The following ERCC6L2 variants were observed in gnomAD, a reference collection of about 807,000 sequenced individuals.
ERCC6L2 encodes the protein ERCC excision repair 6 like 2.
A neutral mutation model predicts 132.0 loss-of-function variants in ERCC6L2; 77 were observed. The observed-to-expected ratio is 0.58, with a 90% CI of 0.49 to 0.71. ERCC6L2 has a LOEUF of 0.71. ERCC6L2 is among the 30% of genes least tolerant of loss of function. ERCC6L2 has a pLI of 0.00. For missense variants in ERCC6L2, 1,542 were observed against 1,837.6 expected (o/e 0.84, Z 2.94); for synonymous variants, 583 against 632.4 (o/e 0.92, Z 1.17).
At chr9:95,981,982 C>T (rs1832912187) in intron 17 of ERCC6L2, among the ~76,000 whole-genome samples, 1 of 152,136 alleles carries the variant, frequency 6.6e-6, no homozygotes. Flanking sequence ...TAGACTGTGA[C>T]CAACTCTAAG....
intron 11 of ERCC6L2, among the ~76,000 whole-genome samples, chr9:95,937,774 T>C (rs1830621236): frequency 6.6e-6 from 1 of 152,020 alleles, no homozygotes; most frequent in South Asian, 2.1e-4. Flanking sequence ...TTTTTTTCAC[T>C]GATTTTTCTC....
intron 9 of ERCC6L2, among the ~76,000 whole-genome samples, chr9:95,924,200 GT>G (rs929788787): frequency 5.7e-5 from 8 of 140,878 alleles, no homozygotes; most frequent in South Asian, 2.2e-4. Context: ...AGCAGTTTTT[GT>G]TTTTTTTTTA....
intron 12 of ERCC6L2, among the ~76,000 whole-genome samples, chr9:95,952,167 A>T (rs1831364859): frequency 1.7e-5 from 1 of 60,406 alleles, no homozygotes; most frequent in Non-Finnish European, 3.1e-5. Context: ...ACTCCATCTT[A>T]AAAAAAAAAA....
intron 17 of ERCC6L2, among the ~76,000 whole-genome samples, chr9:95,999,992 G>A (rs1451409127): frequency 6.6e-6 from 1 of 151,404 alleles, no homozygotes; most frequent in African/African-American, 2.4e-5. Flanking sequence ...TGGTTCAAGT[G>A]ATTCTCTTGT....
Position 95,907,107 on chromosome 9 carries a change from C to A in ERCC6L2, c.624C>A (p.Val208=), listed in dbSNP as rs755640659. Residue 208 remains valine (V), a synonymous_variant, in exon 4 of 19, where the codon GTC becomes GTA. Coordinates refer to ENST00000653738, the MANE Select transcript of ERCC6L2 (RefSeq NM_020207.7). ...KMFLIVAPLS[V]LYNWKDELDT... ...TCTTAATAGTTGCTCCTCTTTCTGT[C>A]CTCTACAACTGGAAGGATGAATTGG... 6.2e-7 allele frequency: 1 copy of A among 1,611,254 alleles called. No individual in the cohort carries two copies. The highest frequency in any genetic ancestry group is 2.2e-5 in the East Asian group (1 of 44,762).
intron 19 of ERCC6L2, among the ~76,000 whole-genome samples, chr9:96,031,729 C>T (rs947478863): frequency 6.6e-6 from 1 of 152,184 alleles, no homozygotes; most frequent in African/African-American, 2.4e-5. Flanking sequence ...CCTGAGCCCT[C>T]GTCACTTCCC....
At chr9:95,944,069 C>T (rs969176246) in intron 12 of ERCC6L2, among the ~76,000 whole-genome samples, 1 of 152,148 alleles carries the variant, frequency 6.6e-6, no homozygotes, top group Non-Finnish European at 1.5e-5. Flanking sequence ...GATACTTGTA[C>T]ACTCATGTTC....
chr9:95,927,798 C>T (rs150689871), intron 9 of ERCC6L2, among the ~76,000 whole-genome samples: 1 of 152,076 alleles, frequency 6.6e-6, no homozygotes, highest in African/African-American at 2.4e-5. Context: ...TAAATGCATC[C>T]CATAATCCAA....
intron 17 of ERCC6L2, among the ~76,000 whole-genome samples, chr9:95,991,723 A>T (rs1359716642): frequency 6.6e-6 from 1 of 152,214 alleles, no homozygotes; most frequent in Non-Finnish European, 1.5e-5. Context: ...CAAAAGTGAT[A>T]TTTGTAACGT....
At chr9:95,915,535 C>A in intron 4 of ERCC6L2, 133 bp from the exon 5 acceptor site, 1 of 864,510 alleles carries the variant, frequency 1.2e-6, no homozygotes, top group Non-Finnish European at 1.8e-6. Context: ...GGGTAAGAAT[C>A]CAATGGAGTC....
At chr9:96,029,090 G>A (rs1440192442) in intron 19 of ERCC6L2, among the ~76,000 whole-genome samples, 2 of 152,058 alleles carry the variant, frequency 1.3e-5, no homozygotes, top group East Asian at 1.9e-4. Context: ...GGATCACAAG[G>A]TCAGGAGATC....
chr9:95,921,558 A>G (rs1015173926), intron 7 of ERCC6L2, among the ~76,000 whole-genome samples: 2 of 152,176 alleles, frequency 1.3e-5, no homozygotes, highest in African/African-American at 4.8e-5. Flanking sequence ...GATATCCTCC[A>G]TTTTAGCTTT....
chr9:96,030,279 A>C (rs907748439), intron 19 of ERCC6L2, among the ~76,000 whole-genome samples: 3 of 152,294 alleles, frequency 2.0e-5, no homozygotes, highest in Middle Eastern at 3.4e-3. Flanking sequence ...AAATAAGGCA[A>C]TAAAAGCTGG....
intron 12 of ERCC6L2, among the ~76,000 whole-genome samples, chr9:95,953,872 G>A (rs977107548): frequency 1.3e-5 from 2 of 152,140 alleles, no homozygotes; most frequent in South Asian, 2.1e-4. Flanking sequence ...AAGCAGAAAG[G>A]CCATCTAACC....
chr9:95,949,541 A>G (rs1038908228), intron 12 of ERCC6L2, among the ~76,000 whole-genome samples: 3 of 152,126 alleles, frequency 2.0e-5, no homozygotes, highest in African/African-American at 7.3e-5. Context: ...GCAGTGGGAT[A>G]ATATATTTAA....
At chr9:96,000,160 T>C (rs1732415602) in intron 17 of ERCC6L2, among the ~76,000 whole-genome samples, 1 of 152,158 alleles carries the variant, frequency 6.6e-6, no homozygotes, top group African/African-American at 2.4e-5. Flanking sequence ...GTGCTGGGAT[T>C]ACAGGTGTGA....
At chr9:95,907,873 C>CCACT (rs1564212480) in intron 4 of ERCC6L2, among the ~76,000 whole-genome samples, 1 of 40,894 alleles carries the variant, frequency 2.4e-5, no homozygotes, top group African/African-American at 8.2e-5. Context: ...ACCCACACAC[C>CCACT]CACTGTAGCA....
At chr9:96,010,418 A>G (rs1052666753) in intron 18 of ERCC6L2, among the ~76,000 whole-genome samples, 1 of 152,240 alleles carries the variant, frequency 6.6e-6, no homozygotes, top group Non-Finnish European at 1.5e-5. Context: ...ACTAACATAC[A>G]TTAAAAGTAA....
At chr9:95,980,738 A>T (rs1832856879) in intron 17 of ERCC6L2, among the ~76,000 whole-genome samples, 1 of 152,168 alleles carries the variant, frequency 6.6e-6, no homozygotes, top group East Asian at 1.9e-4. Context: ...GAAAAAAATT[A>T]AAAAGTTACG....
Sources: allele counts gnomAD v4.1 joint callset (sites outside exome capture counted in the v4.1 genomes callset), GRCh38; gene constraint gnomAD v4.1.1; transcripts MANE v1.5; gene names NCBI Gene and HGNC (gene_info 2026-07-23, HGNC 2026-07-21).